The following PEAK1 variants were observed in gnomAD, a reference collection of about 807,000 sequenced individuals.
PEAK1 encodes pseudopodium enriched atypical kinase 1.
PEAK1 carries 54 observed loss-of-function variants against 124.7 expected under a neutral mutation model. The observed-to-expected ratio is 0.43, with a 90% CI of 0.35 to 0.54. The LOEUF (loss-of-function observed/expected upper bound fraction) is 0.54. Among genes scored for constraint, PEAK1 ranks in the 20% least tolerant of loss-of-function variants. The pLI is 0.01. For synonymous variants in PEAK1, 719 were observed against 760.0 expected (o/e 0.95, Z 0.89); for missense variants, 2,046 against 2,134.5 (o/e 0.96, Z 0.82).
In PEAK1 at chr15:77,285,599, C is replaced by T. The variant is rs1230516184; in HGVS notation, c.-520-544G>A. Among the ~76,000 whole-genome samples the T allele has an allele frequency of 2.6e-5, 4 of 152,136 alleles. No individual in the cohort carries two copies. In the East Asian group the frequency reaches 7.7e-4, roughly 29 times the overall value. Reference sequence around the variant, plus strand: ...CTCTTTAAGAGCTTCTGACCTCAAGCAATTTACCAAACCTCACAAAACTTT... The same window carrying T: ...CTCTTTAAGAGCTTCTGACCTCAAGTAATTTACCAAACCTCACAAAACTTT... On this transcript the variant is annotated intron_variant, in intron 3 of 9. Transcript: ENST00000682557.
chr15:77,292,996 T>C (rs985086649), intron 2 of PEAK1, among the ~76,000 whole-genome samples: 19 of 152,110 alleles, frequency 1.2e-4, no homozygotes, highest in Admixed American at 1.2e-3. Context: ...GCTCATCATA[T>C]GCCCTTATTC....
intron 5 of PEAK1, among the ~76,000 whole-genome samples, chr15:77,269,590 G>T (rs1284964976): frequency 3.3e-5 from 5 of 152,134 alleles, no homozygotes; most frequent in Admixed American, 3.3e-4. Context: ...ATACTTCACT[G>T]ACAGCACTAG....
At chr15:77,214,534 G>A (rs1487572774) in intron 6 of PEAK1, among the ~76,000 whole-genome samples, 3 of 151,008 alleles carry the variant, frequency 2.0e-5, no homozygotes, top group Non-Finnish European at 4.4e-5. Context: ...TGAGGCAGGA[G>A]AATGGCGTGA....
At chr15:77,289,602 G>A (rs2063108817) in intron 2 of PEAK1, among the ~76,000 whole-genome samples, 1 of 152,182 alleles carries the variant, frequency 6.6e-6, no homozygotes, top group African/African-American at 2.4e-5. Flanking sequence ...TTGGGAGGCC[G>A]AGGCTGGCGG....
At chr15:77,106,312 G>A (rs745409158), downstream of PEAK1, 2 of 152,126 alleles carry the variant, frequency 1.3e-5, no homozygotes, top group Non-Finnish European at 2.9e-5. Flanking sequence ...TACCTTCTAA[G>A]CTATATGTCT....
intron 6 of PEAK1, among the ~76,000 whole-genome samples, chr15:77,243,971 A>C (rs2152915992): frequency 6.6e-6 from 1 of 151,622 alleles, no homozygotes; most frequent in East Asian, 1.9e-4. Context: ...TCTTTCTCAA[A>C]ATAAAAAAAA....
rs1244252164 is a variant in PEAK1, at chr15:77,362,035, A to C, written c.-603+3128T>G. Among the ~76,000 whole-genome samples the C allele has an allele frequency of 2.0e-5, 3 of 152,322 alleles. No homozygotes were observed. The East Asian group carries it at 5.8e-4, about 29-fold the overall frequency. Reference sequence around the variant, plus strand: ...ACTCATTGGTAGTAGGGAGGGAGGGACAGGGAGAGATTTGTTAAAGAATAA... The same window carrying C: ...ACTCATTGGTAGTAGGGAGGGAGGGCCAGGGAGAGATTTGTTAAAGAATAA... On this transcript the variant is annotated intron_variant, in intron 2 of 9. Transcript: ENST00000682557.
At chr15:77,335,032 G>C (rs1035069102) in intron 2 of PEAK1, 10 of 985,408 alleles carry the variant, frequency 1.0e-5, no homozygotes, top group Middle Eastern at 5.2e-4. Context: ...GGAACTTAGT[G>C]ACTAGGCCAC....
At chr15:77,297,489 C>T (rs1447455216) in intron 2 of PEAK1, among the ~76,000 whole-genome samples, 1 of 151,710 alleles carries the variant, frequency 6.6e-6, no homozygotes, top group African/African-American at 2.4e-5. Flanking sequence ...ACTGGTCAAG[C>T]AGATGAAAAT....
At chr15:77,289,190 A>G (rs2063087317) in intron 2 of PEAK1, among the ~76,000 whole-genome samples, 1 of 152,228 alleles carries the variant, frequency 6.6e-6, no homozygotes, top group African/African-American at 2.4e-5. Context: ...GATATATTAG[A>G]GAAATATTTT....
intron 5 of PEAK1, among the ~76,000 whole-genome samples, chr15:77,266,117 G>T (rs542952784): frequency 2.6e-5 from 4 of 152,092 alleles, no homozygotes; most frequent in Non-Finnish European, 4.4e-5. Flanking sequence ...TGGGGAGAGG[G>T]GGGAGGGATA....
At chr15:77,337,986 C>G in intron 2 of PEAK1, 1 of 984,222 alleles carries the variant, frequency 1.0e-6, no homozygotes, top group Non-Finnish European at 1.2e-6. Context: ...CTTTCTGGAA[C>G]CTATAATAAA....
chr15:77,261,253 T>A (rs1474575385), intron 5 of PEAK1, among the ~76,000 whole-genome samples: 1 of 152,008 alleles, frequency 6.6e-6, no homozygotes, highest in African/African-American at 2.4e-5. Flanking sequence ...TCACCAGCAA[T>A]GGAACAAAGC....
intron 1 of PEAK1, among the ~76,000 whole-genome samples, chr15:77,370,208 T>C (rs1299292770): frequency 2.0e-5 from 3 of 152,208 alleles, no homozygotes; most frequent in Admixed American, 6.5e-5. Flanking sequence ...TTCTCTCCTA[T>C]GGACATGACT....
chr15:77,101,323 T>C (rs1358268542), exon 7 of PEAK1: 1 of 152,154 alleles, frequency 6.6e-6, no homozygotes, highest in Non-Finnish European at 1.5e-5. Context: ...GCTGGAGAAA[T>C]TGCCACTCAA....
At chr15:77,397,522 A>G (rs964086133) in intron 1 of PEAK1, among the ~76,000 whole-genome samples, 3 of 152,030 alleles carry the variant, frequency 2.0e-5, no homozygotes, top group African/African-American at 4.8e-5. Context: ...TTTTCAAAAC[A>G]TAAAATTGAC....
At chr15:77,126,422 A>C (rs924877804) in intron 9 of PEAK1, among the ~76,000 whole-genome samples, 1 of 152,156 alleles carries the variant, frequency 6.6e-6, no homozygotes, top group East Asian at 1.9e-4. Flanking sequence ...CATAATTTTA[A>C]GGAAAAACAA....
chr15:77,105,448 T>C (rs1411163304), downstream of PEAK1: 1 of 152,072 alleles, frequency 6.6e-6, no homozygotes, highest in Middle Eastern at 3.2e-3. Context: ...CTTTTAGAGG[T>C]TTGCAAATTT....
At chr15:77,276,592 A>G (rs1160103926) in intron 5 of PEAK1, among the ~76,000 whole-genome samples, 2 of 152,134 alleles carry the variant, frequency 1.3e-5, no homozygotes, top group East Asian at 1.9e-4. Flanking sequence ...AAAATTCTCT[A>G]AACAGAAAGG....
Sources: gnomAD v4.1 joint callset for allele counts (sites outside exome capture counted in the v4.1 genomes callset) on GRCh38, gnomAD v4.1.1 for gene constraint, MANE v1.5 for transcripts, NCBI Gene and HGNC (gene_info 2026-07-23, HGNC 2026-07-21) for gene names.